The following WWTR1 variants were observed in gnomAD, a reference collection of about 807,000 sequenced individuals.
WWTR1 encodes the protein WW domain-containing transcription regulator protein 1.
Under a neutral mutation model 40.1 loss-of-function variants are expected in WWTR1, and 13 were observed. The ratio of observed to expected loss-of-function variants is 0.32; its 90% CI spans 0.21 to 0.52. The LOEUF is 0.52. Ranked by LOEUF, WWTR1 falls within the 20% of genes least tolerant of loss-of-function variation. The probability of loss-of-function intolerance (pLI) is 0.97; values close to 1 mark genes in which losing one functional copy is unlikely to be tolerated. For synonymous variants in WWTR1, 230 were observed against 210.1 expected, an observed-to-expected ratio of 1.09 and a Z score of -0.82; for missense variants, 436 against 523.1, an observed-to-expected ratio of 0.83 and a Z score of 1.63.
intron 3 of WWTR1, among the ~76,000 whole-genome samples, chr3:149,558,447 G>A (rs1236166373): frequency 6.6e-6 from 1 of 152,148 alleles, no homozygotes; most frequent in African/African-American, 2.4e-5. Flanking sequence ...ATAGAGACCT[G>A]GTAGACCAAA....
intron 4 of WWTR1, among the ~76,000 whole-genome samples, chr3:149,539,629 T>C (rs888791907): frequency 6.6e-6 from 1 of 152,182 alleles, no homozygotes; most frequent in African/African-American, 2.4e-5. Context: ...GTACAGATAA[T>C]CTTTAAATTT....
At chr3:149,641,578 C>T (rs903752321) in intron 2 of WWTR1, among the ~76,000 whole-genome samples, 1 of 152,226 alleles carries the variant, frequency 6.6e-6, no homozygotes, top group Non-Finnish European at 1.5e-5. Context: ...ACTTGACTCA[C>T]TTCACTACGG....
chr3:149,707,545 C>T (rs1715363043), upstream of WWTR1, among the ~76,000 whole-genome samples: 1 of 152,114 alleles, frequency 6.6e-6, no homozygotes, highest in Non-Finnish European at 1.5e-5. Flanking sequence ...AAAGGCAGGG[C>T]AGTCACATGA....
At chr3:149,695,757 T>A (rs1714964468) in intron 1 of WWTR1, among the ~76,000 whole-genome samples, 2 of 122,282 alleles carry the variant, frequency 1.6e-5, no homozygotes, top group African/African-American at 3.1e-5. Flanking sequence ...CAAGGCTCCA[T>A]CTCAAAAAAA....
intron 2 of WWTR1, among the ~76,000 whole-genome samples, chr3:149,588,531 G>T (rs963311515): frequency 1.3e-5 from 2 of 152,158 alleles, no homozygotes; most frequent in African/African-American, 2.4e-5. Flanking sequence ...TCAGACAGTG[G>T]AAGACTGAAC....
At chr3:149,695,879 G>A (rs150117878) in intron 1 of WWTR1, among the ~76,000 whole-genome samples, 4,083 of 150,486 alleles carry the variant, frequency 0.027, 127 homozygotes, top group East Asian at 0.13. Flanking sequence ...TTGGGAGGCC[G>A]AGGCGGGTGG....
intron 2 of WWTR1, among the ~76,000 whole-genome samples, chr3:149,614,606 T>C (rs921505935): frequency 6.6e-6 from 1 of 152,224 alleles, no homozygotes; most frequent in African/African-American, 2.4e-5. Context: ...TGATTCTACA[T>C]CTTCCTCCAA....
intron 1 of WWTR1, among the ~76,000 whole-genome samples, chr3:149,676,362 G>T (rs558569044): frequency 1.1e-4 from 17 of 152,138 alleles, no homozygotes; most frequent in African/African-American, 4.1e-4. Flanking sequence ...GTTTTAAAGG[G>T]GAGTCCTCAT....
At chr3:149,625,853 T>G (rs747635861) in intron 2 of WWTR1, among the ~76,000 whole-genome samples, 1 of 151,594 alleles carries the variant, frequency 6.6e-6, no homozygotes, top group Non-Finnish European at 1.5e-5. Flanking sequence ...AGGAAACAAG[T>G]TGTTCTATGC....
upstream of WWTR1, chr3:149,658,414 G>C (rs1713397723): frequency 6.6e-6 from 1 of 152,438 alleles, no homozygotes; most frequent in Non-Finnish European, 1.5e-5. Flanking sequence ...GAGGGGCTCA[G>C]GCCTAGGAAG....
At chr3:149,574,029 T>C (rs1737768137) in intron 2 of WWTR1, among the ~76,000 whole-genome samples, 1 of 151,994 alleles carries the variant, frequency 6.6e-6, no homozygotes, top group Admixed American at 6.6e-5. Context: ...CTCCTCCTTC[T>C]CCTTCTTTTT....
intron 4 of WWTR1, among the ~76,000 whole-genome samples, chr3:149,535,831 G>A (rs1735804254): frequency 6.6e-6 from 1 of 151,816 alleles, no homozygotes; most frequent in Non-Finnish European, 1.5e-5. Context: ...TGGCCAACAT[G>A]GCAAAACCCC....
intron 1 of WWTR1, among the ~76,000 whole-genome samples, chr3:149,681,219 ATATGT>A (rs1167006221): frequency 6.6e-6 from 1 of 152,216 alleles, no homozygotes; most frequent in Non-Finnish European, 1.5e-5. Context: ...ATGGCTGATT[ATATGT>A]TATATTTTTC....
chr3:149,714,397 C>A (rs962902107), intron 5 of WWTR1, among the ~76,000 whole-genome samples: 1 of 152,206 alleles, frequency 6.6e-6, no homozygotes, highest in Non-Finnish European at 1.5e-5. Flanking sequence ...GAGGGGTCTG[C>A]TCCCAGTGTC....
chr3:149,684,239 CT>C (rs1714554890), intron 1 of WWTR1, among the ~76,000 whole-genome samples: 1 of 151,894 alleles, frequency 6.6e-6, no homozygotes, highest in South Asian at 2.1e-4. Flanking sequence ...CCAGGGTGGT[CT>C]TGAGTTCCTG....
intron 2 of WWTR1, among the ~76,000 whole-genome samples, chr3:149,616,697 C>T (rs1739990889): frequency 6.6e-6 from 1 of 152,184 alleles, no homozygotes; most frequent in South Asian, 2.1e-4. Flanking sequence ...CCGCCTCAGC[C>T]TCCCAAAGTG....
rs1220302561 is a variant in WWTR1, at chr3:149,669,280, A to C, written c.-4+508T>G. On this transcript the variant is annotated intron_variant, in intron 2 of 7. Transcript: ENST00000465804. ...AGGGAACCTCCTTTGTGACCACATA[A>C]TCTTACCAAGGAAAATCCCAAATGA... 2.0e-5 allele frequency among the ~76,000 whole-genome samples: 3 copies of C among 152,138 alleles called. No homozygotes were observed. The East Asian group carries it at 5.8e-4, about 29-fold the overall frequency.
intron 1 of WWTR1, among the ~76,000 whole-genome samples, chr3:149,677,336 A>G (rs1286425206): frequency 1.3e-5 from 2 of 152,246 alleles, no homozygotes; most frequent in African/African-American, 4.8e-5. Flanking sequence ...ACCACTGTAT[A>G]TACAAACAGC....
At chr3:149,693,451 G>A (rs1714886203) in intron 1 of WWTR1, among the ~76,000 whole-genome samples, 1 of 144,336 alleles carries the variant, frequency 6.9e-6, no homozygotes, top group African/African-American at 2.6e-5. Context: ...AAATACCAAT[G>A]ACATTCTTCA....
Sources: gnomAD v4.1 joint callset for allele counts (sites outside exome capture counted in the v4.1 genomes callset) on GRCh38, gnomAD v4.1.1 for gene constraint, MANE v1.5 for transcripts, NCBI Gene and HGNC (gene_info 2026-07-23, HGNC 2026-07-21) for gene names.